The following DLG2 variants were observed in gnomAD, a reference collection of about 807,000 sequenced individuals.
The protein encoded by DLG2 is disks large homolog 2.
Under a neutral mutation model 132.5 loss-of-function variants are expected in DLG2, and 45 were observed. The observed-to-expected ratio is 0.34, with a 90% confidence interval of 0.27 to 0.44. DLG2 has a LOEUF of 0.44. Among genes scored for constraint, DLG2 ranks in the 20% least tolerant of loss-of-function variants. DLG2 has a pLI of 1.00. For missense variants in DLG2, 1,045 were observed against 1,196.9 expected (o/e 0.87, Z 1.87); for synonymous variants, 424 against 419.6 (o/e 1.01, Z -0.13).
At chr11:84,864,069 A>G (rs1434787541) in intron 6 of DLG2, among the ~76,000 whole-genome samples, 1 of 152,178 alleles carries the variant, frequency 6.6e-6, no homozygotes, top group African/African-American at 2.4e-5. Flanking sequence ...GTGGAGAGGA[A>G]TATATTGGAC....
At chr11:85,343,677 C>T (rs1163256707) in intron 3 of DLG2, among the ~76,000 whole-genome samples, 1 of 152,036 alleles carries the variant, frequency 6.6e-6, no homozygotes, top group Non-Finnish European at 1.5e-5. Flanking sequence ...CACACACACA[C>T]ACATATACAC....
chr11:83,604,927 C>A (rs1203749610), intron 19 of DLG2, among the ~76,000 whole-genome samples: 1 of 151,874 alleles, frequency 6.6e-6, no homozygotes, highest in Non-Finnish European at 1.5e-5. Flanking sequence ...CTAGGCCCAA[C>A]AGGCCAGAGC....
chr11:85,624,307 A>C (rs1199309460), intron 2 of DLG2, among the ~76,000 whole-genome samples: 1 of 152,248 alleles, frequency 6.6e-6, no homozygotes, highest in Non-Finnish European at 1.5e-5. Flanking sequence ...GCATGGTATC[A>C]GTAAAAGAAT....
intron 6 of DLG2, among the ~76,000 whole-genome samples, chr11:84,986,617 C>T (rs574178859): frequency 1.2e-4 from 18 of 151,848 alleles, no homozygotes; most frequent in South Asian, 4.1e-4. Flanking sequence ...GGGATGGTTA[C>T]GTCCAATGTG....
intron 3 of DLG2, among the ~76,000 whole-genome samples, chr11:85,435,996 G>A (rs572428401): frequency 1.3e-5 from 2 of 152,182 alleles, no homozygotes; most frequent in African/African-American, 4.8e-5. Flanking sequence ...AGAGTCCTCA[G>A]AAATAACACC....
intron 17 of DLG2, among the ~76,000 whole-genome samples, chr11:83,818,934 T>C (rs946053424): frequency 1.3e-5 from 2 of 152,210 alleles, no homozygotes; most frequent in Non-Finnish European, 2.9e-5. Flanking sequence ...TTTAAGTTTT[T>C]ACATGTTTAT....
intron 7 of DLG2, among the ~76,000 whole-genome samples, chr11:84,314,835 A>G (rs2098338416): frequency 1.3e-5 from 2 of 152,000 alleles, no homozygotes; most frequent in African/African-American, 4.8e-5. Flanking sequence ...AATTGAAATT[A>G]TTTAACATAA....
chr11:83,962,998 A>G lies in DLG2; in HGVS notation c.1227T>C (p.His409=). The change falls in exon 14 of 28, where the codon CAT becomes CAC. Residue 409 remains histidine, a synonymous_variant. Coordinates refer to ENST00000376104, the MANE Select transcript of DLG2 (RefSeq NM_001142699.3). ...AAGTGCCATTGTTGCCAGAGAGTAG[A>G]TGGTTTTCCATTGGTGGAGAATAAG... The part of the protein sequence containing the change: ...THSYSPPMEN[H]LLSGNNGTLE... 1 of 1,612,990 alleles carries G rather than the reference A, an allele frequency of 6.2e-7. No individual in the cohort carries two copies. The highest frequency in any genetic ancestry group is 1.3e-5 in the African/African-American group (1 of 75,004).
At chr11:85,152,526 C>A (rs576896096) in intron 5 of DLG2, among the ~76,000 whole-genome samples, 1 of 152,098 alleles carries the variant, frequency 6.6e-6, no homozygotes, top group South Asian at 2.1e-4. Flanking sequence ...CCTTGGCCTC[C>A]CAAAGTGCTG....
intron 8 of DLG2, among the ~76,000 whole-genome samples, chr11:84,204,182 C>A (rs900964410): frequency 7.2e-5 from 11 of 152,184 alleles, no homozygotes; most frequent in Non-Finnish European, 1.3e-4. Context: ...GTCTCGAACT[C>A]CCGACCTCAG....
intron 6 of DLG2, among the ~76,000 whole-genome samples, chr11:84,879,004 ATCT>A (rs2086860578): frequency 6.6e-6 from 1 of 152,164 alleles, no homozygotes; most frequent in South Asian, 2.1e-4. Flanking sequence ...AAATTGCTAG[ATCT>A]TCTCTGCTAA....
chr11:84,754,119 T>G (rs2066540646), intron 6 of DLG2, among the ~76,000 whole-genome samples: 1 of 152,128 alleles, frequency 6.6e-6, no homozygotes, highest in African/African-American at 2.4e-5. Flanking sequence ...TGAGCTTTGC[T>G]AAATAGGAGG....
intron 15 of DLG2, among the ~76,000 whole-genome samples, chr11:83,926,843 T>C (rs1485735400): frequency 6.6e-6 from 1 of 152,130 alleles, no homozygotes; most frequent in Non-Finnish European, 1.5e-5. Flanking sequence ...ACTTTGCCCC[T>C]GAATTATTGG....
chr11:84,017,365 T>C (rs892124838), intron 11 of DLG2, among the ~76,000 whole-genome samples: 6 of 152,066 alleles, frequency 3.9e-5, no homozygotes, highest in African/African-American at 7.2e-5. Flanking sequence ...CAATGTTATA[T>C]ATAAATTAAA....
intron 8 of DLG2, among the ~76,000 whole-genome samples, chr11:84,183,936 T>C (rs1473733456): frequency 6.6e-6 from 1 of 152,140 alleles, no homozygotes; most frequent in African/African-American, 2.4e-5. Context: ...TAGTATTCCA[T>C]GGTGTATATG....
At chr11:83,509,797 G>A (rs369091812) in intron 21 of DLG2, among the ~76,000 whole-genome samples, 1 of 152,028 alleles carries the variant, frequency 6.6e-6, no homozygotes, top group South Asian at 2.1e-4. Flanking sequence ...TATCAGAGAT[G>A]TCTTGGGAGA....
At chr11:83,475,477 A>G (rs2092516090) in intron 22 of DLG2, among the ~76,000 whole-genome samples, 1 of 147,774 alleles carries the variant, frequency 6.8e-6, no homozygotes, top group African/African-American at 2.5e-5. Context: ...TAAGTAGTGG[A>G]GTCAAGATTT....
At chr11:84,870,662 T>C (rs2085333655) in intron 6 of DLG2, among the ~76,000 whole-genome samples, 2 of 152,224 alleles carry the variant, frequency 1.3e-5, no homozygotes, top group Non-Finnish European at 2.9e-5. Context: ...TATTTACATA[T>C]ATTCATCACT....
At chr11:84,708,770 A>C (rs2060051216) in intron 6 of DLG2, among the ~76,000 whole-genome samples, 2 of 151,892 alleles carry the variant, frequency 1.3e-5, no homozygotes, top group Non-Finnish European at 1.5e-5. Context: ...AAATAGCTAC[A>C]GCAAAGGGCA....
Sources: gnomAD v4.1 joint callset for allele counts (sites outside exome capture counted in the v4.1 genomes callset) on GRCh38, gnomAD v4.1.1 for gene constraint, MANE v1.5 for transcripts, NCBI Gene and HGNC (gene_info 2026-07-23, HGNC 2026-07-21) for gene names.